DIPK2B: variants seen among roughly 807,000 people sequenced by gnomAD.
The protein encoded by DIPK2B is divergent protein kinase domain 2B, also known as UPF0672 protein CXorf36.
DIPK2B carries 15 observed loss-of-function variants against 22.2 expected under a neutral mutation model. That is an observed-to-expected ratio of 0.68 (90% CI 0.45 to 1.04). The LOEUF (loss-of-function observed/expected upper bound fraction) is 1.04, where lower values mean the gene tolerates loss of function less well. Among genes scored for constraint, DIPK2B ranks in the 50% least tolerant of loss-of-function variants. The pLI, the probability that DIPK2B is intolerant of heterozygous loss-of-function variation, is 0.00. For missense variants in DIPK2B, 345 were observed against 348.3 expected (o/e 0.99, Z 0.08); for synonymous variants, 163 against 153.2 (o/e 1.06, Z -0.47).
intron 2 of DIPK2B, among the ~76,000 whole-genome samples, chrX:45,179,390 C>G (rs2047136573): frequency 9.0e-6 from 1 of 110,499 alleles, no homozygotes; most frequent in Non-Finnish European, 1.9e-5. Flanking sequence ...AAAATTACCC[C>G]TAAAGTGTGA....
rs1603110424 is a variant in DIPK2B, at chrX:45,179,871, G to A, written c.498+11880C>T. Among the ~76,000 whole-genome samples, 4 of 111,912 alleles carry A rather than the reference G, an allele frequency of 3.6e-5. No homozygotes were observed. The South Asian group carries it at 1.5e-3, about 41-fold the overall frequency. On this transcript the variant is annotated intron_variant, in intron 2 of 4. Coordinates refer to ENST00000398000, the MANE Select transcript of DIPK2B (RefSeq NM_176819.4). The stretch of plus-strand genomic sequence containing the variant: ...GATCATCTTAATACATGCAGAAAAA[G>A]CATTTTATAAAATTTACGAAAAAAA...
intron 3 of DIPK2B, among the ~76,000 whole-genome samples, 170 bp from the exon 4 acceptor site, chrX:45,154,368 A>G (rs1319795251): frequency 1.8e-5 from 2 of 109,569 alleles, no homozygotes; most frequent in Non-Finnish European, 3.8e-5. Context: ...TCTATCATCT[A>G]TCTATCTCTA....
At chrX:45,154,251 T>C in intron 3 of DIPK2B, 53 bp from the exon 4 acceptor site, 1 of 1,021,533 alleles carries the variant, frequency 9.8e-7, no homozygotes, top group South Asian at 2.3e-5. Flanking sequence ...GACAGCTCTC[T>C]ATCTGTCTAT....
intron 2 of DIPK2B, among the ~76,000 whole-genome samples, chrX:45,178,359 C>G (rs749692376): frequency 2.1e-4 from 23 of 111,019 alleles, no homozygotes; most frequent in Admixed American, 5.7e-4. Context: ...TCTTTCTTTC[C>G]TGGAGAGTAG....
rs1603091105 is a variant in DIPK2B, at chrX:45,150,164, G to T, written c.*1488C>A. 8.9e-6 allele frequency: 1 copy of T among 111,913 alleles called. No individual in the cohort carries two copies. The highest frequency in any genetic ancestry group is 2.8e-4 in the East Asian group (1 of 3,518). The allele number at this position is 111,913 out of a possible 1,213,427, so 9.2% of individuals were successfully genotyped here. On this transcript the variant is annotated 3_prime_UTR_variant, in exon 5 of 5. Transcript: ENST00000398000. Reference sequence around the variant, plus strand: ...CCCAAAGTGCTGGGATTACAGGCGTGAGCCACCGGGCCTGGCCTGTTCTGA... The same window carrying T: ...CCCAAAGTGCTGGGATTACAGGCGTTAGCCACCGGGCCTGGCCTGTTCTGA...
intron 2 of DIPK2B, chrX:45,163,439 A>G: frequency 4.0e-6 from 3 of 753,694 alleles, no homozygotes; most frequent in Non-Finnish European, 4.7e-6. Context: ...GAAGACCGAA[A>G]TCTAGATTTG....
At chrX:45,158,871 G>A in intron 2 of DIPK2B, among the ~76,000 whole-genome samples, 1 of 112,312 alleles carries the variant, frequency 8.9e-6, no homozygotes, top group Admixed American at 9.4e-5. Flanking sequence ...CGAAGTAGGT[G>A]CTATTATGAA....
rs761954583 is a variant in DIPK2B at position 45,157,805 on chromosome X, G to A, written c.582C>T (p.Ala194=). The part of the protein sequence containing the change: ...VVRRYAEVAD[A]GSIFMDHFTD... ...TGAAGTGGTCCATGAAGATGCTGCC[G>A]GCGTCGGCCACCTCTGCATAGCGCC... Residue 194 remains alanine, a synonymous_variant, in exon 3 of 5, where the codon GCC becomes GCT. Transcript: ENST00000398000. The A allele has an allele frequency of 8.5e-7, 1 of 1,182,716 alleles. No individual in the cohort carries two copies. The highest frequency in any genetic ancestry group is 1.1e-6 in the Non-Finnish European group (1 of 881,690).
intron 2 of DIPK2B, among the ~76,000 whole-genome samples, chrX:45,164,515 C>A (rs938878990): frequency 2.7e-5 from 3 of 111,201 alleles, no homozygotes; most frequent in Non-Finnish European, 5.7e-5. Flanking sequence ...AACAAAAAAA[C>A]CAAACAACAC....
Position 45,151,987 on chromosome X carries a change from G to T in DIPK2B, c.967C>A (p.Gln323Lys). Residue 323 changes from glutamine (Q) to lysine (K), a missense_variant, in exon 5 of 5, where the codon CAA becomes AAA. Transcript: ENST00000398000. ...VGVIDKQEGS[Q>K]EANRAGENKD... ...TTCTCTCCTGCCCTGTTGGCTTCTT[G>T]GCTGCCTAGAAAAGAAATGGGAAGT... 1 of 1,166,075 alleles carries T rather than the reference G, an allele frequency of 8.6e-7. No individual in the cohort carries two copies.
intron 1 of DIPK2B, among the ~76,000 whole-genome samples, chrX:45,197,482 C>G (rs80024553): frequency 1.8e-5 from 2 of 111,438 alleles, no homozygotes; most frequent in Non-Finnish European, 3.8e-5. Context: ...GTGATTTGCC[C>G]GCCTCGGCCT....
chrX:45,186,182 T>C (rs2047182657), intron 2 of DIPK2B, among the ~76,000 whole-genome samples: 1 of 112,020 alleles, frequency 8.9e-6, no homozygotes, highest in Non-Finnish European at 1.9e-5. Context: ...AAAATCTTAG[T>C]TGTTTCAACT....
rs1009828433 is a variant in DIPK2B, at chrX:45,197,469, C to G, written c.233+3125G>C. 3.0e-4 allele frequency among the ~76,000 whole-genome samples: 33 copies of G among 111,653 alleles called. 1 individual carries two copies. Among genetic ancestry groups the G allele is most frequent in the Admixed American group, 2.7e-3 (28 of 10,496 alleles). ...GCCAGGATGGTCTTGATCTCCTGACCTCGTGATTTGCCCGCCTCGGCCTCC... is the reference window on the plus strand; with the variant it reads ...GCCAGGATGGTCTTGATCTCCTGACGTCGTGATTTGCCCGCCTCGGCCTCC... On this transcript the variant is annotated intron_variant, in intron 1 of 4. Transcript: ENST00000398000.
chrX:45,189,232 C>T (rs1237216613), intron 2 of DIPK2B, among the ~76,000 whole-genome samples: 3 of 112,242 alleles, frequency 2.7e-5, no homozygotes, highest in African/African-American at 9.7e-5. Flanking sequence ...TTTCAATTCT[C>T]TTGGGTGAAT....
rs1429616231 is a variant in DIPK2B, at chrX:45,149,282, C to T, written c.*2370G>A. Reference sequence around the variant, plus strand: ...GGGTCTGGAGGCTGTGGCCTCTCTCCTGGTCTCTGGTCAGGTGGCCAGCTG... The same window carrying T: ...GGGTCTGGAGGCTGTGGCCTCTCTCTTGGTCTCTGGTCAGGTGGCCAGCTG... On this transcript the variant is annotated 3_prime_UTR_variant, in exon 5 of 5. Transcript: ENST00000398000. The T allele has an allele frequency of 8.9e-6, 1 of 112,875 alleles. No homozygotes were observed. The highest frequency in any genetic ancestry group is 3.2e-5 in the African/African-American group (1 of 30,924). 9.3% of individuals were successfully genotyped at this position (112,875 alleles called of 1,213,427 possible).
intron 2 of DIPK2B, among the ~76,000 whole-genome samples, chrX:45,177,771 A>C (rs1214314255): frequency 9.0e-6 from 1 of 111,228 alleles, no homozygotes; most frequent in African/African-American, 3.3e-5. Context: ...GAAAGACAAA[A>C]ATTTCAGGGA....
intron 2 of DIPK2B, chrX:45,163,000 T>C: frequency 8.3e-6 from 6 of 722,707 alleles, no homozygotes; most frequent in Non-Finnish European, 9.8e-6. Flanking sequence ...TAATTTTATG[T>C]GTCAACTTGG....
chrX:45,198,704 T>A (rs1048829222), intron 1 of DIPK2B, among the ~76,000 whole-genome samples: 3 of 111,651 alleles, frequency 2.7e-5, no homozygotes, highest in Non-Finnish European at 5.6e-5. Context: ...CTCTCCCTCC[T>A]TTTAAAAAAT....
chrX:45,149,578 G>A lies in DIPK2B; in HGVS notation c.*2074C>T, dbSNP rs1275772976. ...CTTTTCTGGGGTCCATTTTTGAATG[G>A]GAGTGAAGGAACCAGAATTGGGTAG... On this transcript the variant is annotated 3_prime_UTR_variant, in exon 5 of 5. Transcript: ENST00000398000. The A allele has an allele frequency of 1.8e-5, 2 of 112,727 alleles. No individual in the cohort carries two copies. The highest frequency in any genetic ancestry group is 3.8e-5 in the Non-Finnish European group (2 of 53,286). The allele number at this position is 112,727 out of a possible 1,213,427, so 9.3% of individuals were successfully genotyped here. A position where few individuals can be genotyped will look rare whatever the true frequency, so the allele number is the denominator to read the frequency against.
Sources: gnomAD v4.1 joint callset for allele counts (sites outside exome capture counted in the v4.1 genomes callset) on GRCh38, gnomAD v4.1.1 for gene constraint, MANE v1.5 for transcripts, NCBI Gene and HGNC (gene_info 2026-07-23, HGNC 2026-07-21) for gene names.